The following COL27A1 variants were observed in gnomAD, a reference collection of about 807,000 sequenced individuals.
COL27A1 encodes the protein collagen type XXVII alpha 1 chain.
In COL27A1, 106 loss-of-function variants were observed where a neutral mutation model predicts 251.3. The ratio of observed to expected loss-of-function variants is 0.42; its 90% CI spans 0.36 to 0.50. The LOEUF (loss-of-function observed/expected upper bound fraction) is 0.50. Among genes scored for constraint, COL27A1 ranks in the 20% least tolerant of loss-of-function variants. COL27A1 has a pLI of 0.00. For synonymous variants in COL27A1, 1,000 were observed against 986.3 expected, an observed-to-expected ratio of 1.01 and a Z score of -0.26; for missense variants, 2,325 against 2,522.8, an observed-to-expected ratio of 0.92 and a Z score of 1.68.
chr9:114,281,404 C>T (rs1384924108), intron 37 of COL27A1, among the ~76,000 whole-genome samples: 1 of 152,216 alleles, frequency 6.6e-6, no homozygotes, highest in Non-Finnish European at 1.5e-5. Context: ...CTGGATTTGC[C>T]CTCCCAGGGC....
At chr9:114,164,243 T>C (rs1208465269) in intron 2 of COL27A1, among the ~76,000 whole-genome samples, 2 of 152,206 alleles carry the variant, frequency 1.3e-5, no homozygotes, top group Non-Finnish European at 2.9e-5. Context: ...GCCTGTAAAG[T>C]ATTTGGTATC....
chr9:114,280,840 G>A (rs1009905544), intron 37 of COL27A1, among the ~76,000 whole-genome samples: 1 of 152,154 alleles, frequency 6.6e-6, no homozygotes, highest in African/African-American at 2.4e-5. Flanking sequence ...TTAGTCTTTA[G>A]AGCAGACATT....
chr9:114,229,020 C>G (rs188834399), intron 14 of COL27A1, among the ~76,000 whole-genome samples: 30 of 152,280 alleles, frequency 2.0e-4, no homozygotes, highest in Non-Finnish European at 4.0e-4. Flanking sequence ...GATTGAGTCT[C>G]CCTATGTTGC....
At chr9:114,175,506 C>G (rs550398473) in intron 3 of COL27A1, among the ~76,000 whole-genome samples, 2 of 152,190 alleles carry the variant, frequency 1.3e-5, no homozygotes, top group African/African-American at 4.8e-5. Context: ...ACTGGGCAGC[C>G]GGCGGTCCCC....
intron 1 of COL27A1, among the ~76,000 whole-genome samples, chr9:114,159,570 G>A (rs1554783236): frequency 6.6e-6 from 1 of 152,118 alleles, no homozygotes; most frequent in Non-Finnish European, 1.5e-5. Context: ...AGGCATTCAT[G>A]GAAAAAATGA....
rs1848089903 is a variant in COL27A1 at position 114,155,942 on chromosome 9, G to A, written c.-9G>A. 7.9e-7 allele frequency: 1 copy of A among 1,263,448 alleles called. No individual in the cohort carries two copies. Among genetic ancestry groups the A allele is most frequent in the Non-Finnish European group, 1.0e-6 (1 of 1,000,920 alleles). 78.3% of individuals were successfully genotyped at this position (1,263,448 alleles called of 1,614,324 possible). ...CCCCGGGCTCGGGAGCATGAAGTAG[G>A]GGCCTGCCATGGGAGCGGGATCGGC... On this transcript the variant is annotated 5_prime_UTR_variant, in exon 1 of 61. Transcript: ENST00000356083. This position sits in a 1 kb window ranked among gnomAD's most constrained non-coding sequence, Gnocchi z 5.5.
chr9:114,168,385 C>T lies in COL27A1; in HGVS notation c.830C>T (p.Pro277Leu). The stretch of plus-strand genomic sequence containing the variant: ...CTGGAGAACTTGACCACTGCCACAC[C>T]AGCCCTGGGGTCACTGCCAGCAGGC... The part of the protein sequence containing the change: ...LGLENLTTAT[P>L]ALGSLPAGRG... The change falls in exon 3 of 61, where the codon CCA (proline) becomes CTA (leucine). Residue 277 changes from proline to leucine, a missense_variant. By Grantham distance (98) the Pro-to-Leu change is moderately conservative. This residue lies in a region of COL27A1 where 1,183 missense variants were observed against 1,144.1 expected (regional missense o/e 1.03). Transcript: ENST00000356083. The T allele has an allele frequency of 1.2e-6, 2 of 1,613,558 alleles. No homozygotes were observed. The highest frequency in any genetic ancestry group is 1.7e-6 in the Non-Finnish European group (2 of 1,180,008).
At chr9:114,310,511 C>T (rs1829373406) in intron 60 of COL27A1, 38 bp from the exon 61 acceptor site, 8 of 1,610,580 alleles carry the variant, frequency 5.0e-6, no homozygotes, top group South Asian at 2.2e-5. Context: ...ATAAGAATCA[C>T]GATGGATGTA....
At chr9:114,269,106 G>T (rs1834945384) in intron 34 of COL27A1, 135 bp from the exon 35 acceptor site, 3 of 568,726 alleles carry the variant, frequency 5.3e-6, no homozygotes, top group East Asian at 6.0e-5. Flanking sequence ...ATTTCTCTGT[G>T]GTCCCTGGGA....
Position 114,168,174 on chromosome 9 carries a change from G to A in COL27A1, c.619G>A (p.Val207Ile), listed in dbSNP as rs143912297. The A allele has an allele frequency of 2.8e-4, 450 of 1,613,764 alleles. 2 individuals are homozygous for A. In the African/African-American group the frequency reaches 5.3e-3, roughly 19 times the overall value. Reference sequence around the variant, plus strand: ...CTTTGGGAAGATGAACCCGCATGCAGTCCAGTTTGAAGGTGCTCTCTGCCA... The same window carrying A: ...CTTTGGGAAGATGAACCCGCATGCAATCCAGTTTGAAGGTGCTCTCTGCCA... ...FLFGKMNPHAVQFEGALCQFS... is the reference protein window; with the variant it reads ...FLFGKMNPHAIQFEGALCQFS... Residue 207 changes from valine to isoleucine, a missense_variant, in exon 3 of 61, where the codon GTC becomes ATC. Physicochemically the swap from Val to Ile is conservative, Grantham distance 29. Transcript: ENST00000356083.
intron 4 of COL27A1, among the ~76,000 whole-genome samples, chr9:114,181,072 C>A (rs555789511): frequency 6.6e-6 from 1 of 152,266 alleles, no homozygotes; most frequent in South Asian, 2.1e-4. Flanking sequence ...CTGGTTAGAC[C>A]CCACAAGCCT....
intron 25 of COL27A1, among the ~76,000 whole-genome samples, chr9:114,251,302 C>T (rs1833526750): frequency 1.3e-5 from 2 of 152,080 alleles, no homozygotes; most frequent in East Asian, 3.9e-4. Context: ...AACTGAGGTC[C>T]AGAGGGAGGA....
Position 114,283,740 on chromosome 9 carries a change from A to G in COL27A1, c.3911A>G (p.Glu1304Gly). 1 of 1,614,030 alleles carries G rather than the reference A, an allele frequency of 6.2e-7. No individual in the cohort carries two copies. The highest frequency in any genetic ancestry group is 8.5e-7 in the Non-Finnish European group (1 of 1,179,994). The change falls in exon 40 of 61, where the codon GAA (glutamate) becomes GGA (glycine). Residue 1304 changes from glutamate (E) to glycine (G), a missense_variant. Transcript: ENST00000356083. ...CCGGGACGCATGGGGGCCCAAGGAG[A>G]ACCGGGACTGGCTGGTTATGATGTA... ...GAPGRMGAQG[E>G]PGLAGYDGHK...
At chr9:114,167,337 G>A (rs998963187) in intron 2 of COL27A1, among the ~76,000 whole-genome samples, 1 of 152,198 alleles carries the variant, frequency 6.6e-6, no homozygotes, top group Non-Finnish European at 1.5e-5. Context: ...TTCTGAGGTT[G>A]GGACTGTTAC....
chr9:114,155,090 T>G (rs1280153995), upstream of COL27A1, among the ~76,000 whole-genome samples: 1 of 142,526 alleles, frequency 7.0e-6, no homozygotes, highest in Non-Finnish European at 1.6e-5. The surrounding 1 kb of genome is among the most constrained non-coding windows in gnomAD (Gnocchi z 5.5). Context: ...GCTCCGAGTC[T>G]GGGAGCGCAA....
chr9:114,243,131 C>T (rs1832873641), intron 22 of COL27A1, among the ~76,000 whole-genome samples: 1 of 152,354 alleles, frequency 6.6e-6, no homozygotes, highest in Non-Finnish European at 1.5e-5. Flanking sequence ...TCTGAAAGGG[C>T]CTCCGGGACC....
At chr9:114,157,462 G>C (rs1482842158) in intron 1 of COL27A1, among the ~76,000 whole-genome samples, 5 of 152,182 alleles carry the variant, frequency 3.3e-5, no homozygotes, top group African/African-American at 1.2e-4. Context: ...GCCTCCTTCT[G>C]TTTCCTCCCT....
intron 5 of COL27A1, among the ~76,000 whole-genome samples, chr9:114,190,327 A>C (rs1217828800): frequency 6.6e-6 from 1 of 152,198 alleles, no homozygotes; most frequent in Non-Finnish European, 1.5e-5. Flanking sequence ...GCTGGAGTGC[A>C]GTGGTGCTAT....
intron 49 of COL27A1, 64 bp from the exon 50 acceptor site, chr9:114,300,006 G>C: frequency 6.5e-7 from 1 of 1,539,780 alleles, no homozygotes; most frequent in Non-Finnish European, 9.0e-7. Context: ...TGAGGTCCCA[G>C]GTGGCTGGCG....
Sources: allele counts gnomAD v4.1 joint callset (sites outside exome capture counted in the v4.1 genomes callset), GRCh38; gene constraint gnomAD v4.1.1; regional missense constraint gnomAD v4.1.1; non-coding constraint Gnocchi (gnomAD v3.1); transcripts MANE v1.5; gene names NCBI Gene and HGNC (gene_info 2026-07-23, HGNC 2026-07-21).